FRMPD4: variants seen among roughly 807,000 people sequenced by gnomAD.
The protein encoded by FRMPD4 is FERM and PDZ domain containing 4, also known as FERM and PDZ domain-containing protein 4.
Under a neutral mutation model 94.1 loss-of-function variants are expected in FRMPD4, and 22 were observed. That is an observed-to-expected ratio of 0.23 (90% confidence interval 0.17 to 0.33). FRMPD4 has a LOEUF of 0.33. FRMPD4 is among the 10% of genes least tolerant of loss of function. The pLI is 1.00. For synonymous variants in FRMPD4, 631 were observed against 548.6 expected (o/e 1.15, Z -2.10); for missense variants, 1,111 against 1,339.9 (o/e 0.83, Z 2.67).
At chrX:11,950,614 A>G (rs1185528389) in intron 3 of FRMPD4, among the ~76,000 whole-genome samples, 3 of 111,932 alleles carry the variant, frequency 2.7e-5, no homozygotes. Context: ...TTAAAAATTG[A>G]GATATCATTT....
rs866504312 is a variant in FRMPD4, at chrX:12,007,308, C to A, written c.95+129290C>A. On this transcript the variant is annotated intron_variant, in intron 3 of 18. Transcript: ENST00000640291. ...GTTTTTAGCTTCAGCAGAACTGACC[C>A]CAGCTGAAGGTGGCCCTGTTCACCT... Among the ~76,000 whole-genome samples the A allele has an allele frequency of 1.6e-4, 18 of 112,230 alleles. No homozygotes were observed. In the Middle Eastern group the frequency reaches 0.014, roughly 87 times the overall value.
At chrX:12,287,404 G>A in intron 1 of FRMPD4, among the ~76,000 whole-genome samples, 1 of 111,631 alleles carries the variant, frequency 9.0e-6, no homozygotes, top group Middle Eastern at 4.7e-3. Flanking sequence ...AGAGCAATTG[G>A]GAGCCTTGTC....
chrX:11,875,869 ATTTTTTTTTT>A (rs869076863), intron 2 of FRMPD4, among the ~76,000 whole-genome samples: 1 of 57,264 alleles, frequency 1.7e-5, no homozygotes, highest in Non-Finnish European at 3.0e-5. Flanking sequence ...CCACTTGAGG[ATTTTTTTTTT>A]TTTTTTTTTT....
At chrX:11,973,320 G>C (rs1408241387) in intron 3 of FRMPD4, among the ~76,000 whole-genome samples, 1 of 112,185 alleles carries the variant, frequency 8.9e-6, no homozygotes, top group Non-Finnish European at 1.9e-5. Flanking sequence ...AGATGCTATA[G>C]TCTGAATCAG....
At chrX:12,528,278 C>T (rs1365716269) in intron 2 of FRMPD4, among the ~76,000 whole-genome samples, 1 of 108,651 alleles carries the variant, frequency 9.2e-6, no homozygotes, top group Non-Finnish European at 1.9e-5. Context: ...TCTTATCTTC[C>T]TCACAGTAGC....
At chrX:12,093,056 A>T in intron 3 of FRMPD4, among the ~76,000 whole-genome samples, 1 of 111,244 alleles carries the variant, frequency 9.0e-6, no homozygotes, top group East Asian at 2.9e-4. Flanking sequence ...AGGTTGGAAG[A>T]TACATGCTTA....
intron 14 of FRMPD4, among the ~76,000 whole-genome samples, chrX:12,714,158 T>C (rs758298554): frequency 8.0e-5 from 9 of 112,379 alleles, no homozygotes; most frequent in African/African-American, 2.9e-4. Context: ...TTCCTAAGGC[T>C]GCTGGAACAA....
upstream of FRMPD4, among the ~76,000 whole-genome samples, chrX:12,137,947 A>C (rs1174119866): frequency 8.9e-6 from 1 of 111,892 alleles, no homozygotes; most frequent in Non-Finnish European, 1.9e-5. Flanking sequence ...TAGCCTCCGC[A>C]TCACGGGCTC....
At chrX:12,163,462 TAAAAAA>T (rs201319402) in intron 1 of FRMPD4, among the ~76,000 whole-genome samples, 12,217 of 67,487 alleles carry the variant, frequency 0.18, 1,645 homozygotes, top group African/African-American at 0.44. Flanking sequence ...TGACCCTTTG[TAAAAAA>T]AAAAAAAAAA....
At chrX:12,535,710 T>C (rs942816705) in intron 2 of FRMPD4, among the ~76,000 whole-genome samples, 13 of 112,241 alleles carry the variant, frequency 1.2e-4, no homozygotes, top group African/African-American at 3.2e-4. Flanking sequence ...TAAAGTTTCA[T>C]TGGAACACAG....
At chrX:12,061,946 A>T (rs1416988469) in intron 3 of FRMPD4, among the ~76,000 whole-genome samples, 1 of 112,056 alleles carries the variant, frequency 8.9e-6, no homozygotes, top group Non-Finnish European at 1.9e-5. Flanking sequence ...GCTTAGCAAG[A>T]TGTGAAACAC....
At chrX:11,881,715 CAT>C (rs774962012) in intron 3 of FRMPD4, among the ~76,000 whole-genome samples, 97 of 111,757 alleles carry the variant, frequency 8.7e-4, no homozygotes, top group Non-Finnish European at 1.7e-3. Flanking sequence ...GTTACACAAA[CAT>C]ATACATGTGA....
chrX:12,322,767 A>G (rs1409487492), intron 1 of FRMPD4, among the ~76,000 whole-genome samples: 1 of 111,936 alleles, frequency 8.9e-6, no homozygotes, highest in African/African-American at 3.2e-5. Flanking sequence ...ATGAGATAGA[A>G]TAAGACAGAA....
chrX:12,246,989 AT>A (rs1171843301), intron 1 of FRMPD4, among the ~76,000 whole-genome samples: 1 of 111,940 alleles, frequency 8.9e-6, no homozygotes, highest in Non-Finnish European at 1.9e-5. Flanking sequence ...TAAACCAGCA[AT>A]TGGTGCCAGT....
At chrX:11,881,347 A>G (rs1032784341) in intron 3 of FRMPD4, among the ~76,000 whole-genome samples, 80 of 112,433 alleles carry the variant, frequency 7.1e-4, no homozygotes, top group African/African-American at 2.2e-3. Context: ...AAACCTTCTC[A>G]TGAATGTTTA....
chrX:11,864,259 A>G (rs1197344721), intron 1 of FRMPD4, among the ~76,000 whole-genome samples: 1 of 109,505 alleles, frequency 9.1e-6, no homozygotes, highest in African/African-American at 3.3e-5. Flanking sequence ...AAAGTTAACA[A>G]GAGTGAAGGG....
rs756638001 is a variant in FRMPD4 at position 12,705,475 on chromosome X, A to G, written c.1197+990A>G. ...TTTGTCTTAGTATCTGATTTTTTTA[A>G]GTCATTTTTACTGGGTAAGGTACAT... On this transcript the variant is annotated intron_variant, in intron 11 of 16. Transcript: ENST00000675598. 2.0e-4 allele frequency among the ~76,000 whole-genome samples: 22 copies of G among 111,345 alleles called. 1 individual carries two copies. The highest frequency in any genetic ancestry group is 3.8e-4 in the Non-Finnish European group (20 of 53,104).
At chrX:12,050,841 T>C (rs2054812773) in intron 3 of FRMPD4, among the ~76,000 whole-genome samples, 1 of 110,826 alleles carries the variant, frequency 9.0e-6, no homozygotes, top group East Asian at 2.8e-4. Context: ...AGTTCATATT[T>C]GTGCACAAAT....
intron 4 of FRMPD4, among the ~76,000 whole-genome samples, chrX:12,657,704 C>A: frequency 8.9e-6 from 1 of 112,099 alleles, no homozygotes; most frequent in African/African-American, 3.2e-5. Context: ...ATGAGCTGTA[C>A]ACTCAAGGCA....
Sources: gnomAD v4.1 joint callset for allele counts (sites outside exome capture counted in the v4.1 genomes callset) on GRCh38, gnomAD v4.1.1 for gene constraint, MANE v1.5 for transcripts, NCBI Gene and HGNC (gene_info 2026-07-23, HGNC 2026-07-21) for gene names.